The following MREG variants were observed in gnomAD, a reference collection of about 807,000 sequenced individuals.
MREG encodes the protein dilute suppressor protein homolog.
In MREG, 31 loss-of-function variants were observed where a neutral mutation model predicts 28.5. The ratio of observed to expected loss-of-function variants is 1.09; its 90% CI spans 0.82 to 1.47. The LOEUF is 1.47. Ranked by LOEUF, MREG falls within the 40% of genes most tolerant of loss-of-function variation. The probability of loss-of-function intolerance (pLI) is 0.00; values close to 1 mark genes in which losing one functional copy is unlikely to be tolerated. For missense variants in MREG, 256 were observed against 257.4 expected, an observed-to-expected ratio of 0.99 and a Z score of 0.04; for synonymous variants, 106 against 95.2, an observed-to-expected ratio of 1.11 and a Z score of -0.66.
intron 1 of MREG, among the ~76,000 whole-genome samples, chr2:216,006,504 C>G (rs957723201): frequency 1.1e-4 from 17 of 152,226 alleles, no homozygotes; most frequent in African/African-American, 3.6e-4. Context: ...GAATCATTGT[C>G]CGGCCCCGGA....
In MREG at chr2:216,013,221, C is replaced by A. The variant is rs957167841; in HGVS notation, c.95+12G>T. Reference sequence around the variant, plus strand: ...AGGTAAGCCCAGATCCCGGCCCGGGCGGCGCACCCACCTGACGAGGGGCTC... The same window carrying A: ...AGGTAAGCCCAGATCCCGGCCCGGGAGGCGCACCCACCTGACGAGGGGCTC... On this transcript the variant is annotated intron_variant, in intron 1 of 4. Coordinates refer to ENST00000263268, the MANE Select transcript of MREG (RefSeq NM_018000.3). 12 of 1,547,866 alleles carry A rather than the reference C, an allele frequency of 7.8e-6. No homozygotes were observed. The highest frequency in any genetic ancestry group is 1.0e-5 in the Non-Finnish European group (12 of 1,146,198).
intron 2 of MREG, among the ~76,000 whole-genome samples, chr2:215,976,107 C>CAA (rs11323124): frequency 1.1e-4 from 16 of 139,388 alleles, no homozygotes; most frequent in African/African-American, 3.6e-4. Flanking sequence ...GACTCCGTCT[C>CAA]AAAAAAAAAA....
intron 2 of MREG, among the ~76,000 whole-genome samples, chr2:215,957,471 C>T (rs1233227721): frequency 6.6e-6 from 1 of 152,038 alleles, no homozygotes; most frequent in Non-Finnish European, 1.5e-5. Context: ...CACTTCATCT[C>T]TCAAGGAGTT....
At chr2:215,974,850 A>ACC (rs1265665357) in intron 2 of MREG, among the ~76,000 whole-genome samples, 1 of 132,958 alleles carries the variant, frequency 7.5e-6, no homozygotes. Flanking sequence ...ACACACACAC[A>ACC]CACTCTCTCT....
chr2:215,996,326 G>T lies in MREG; in HGVS notation c.235C>A (p.Gln79Lys). 2 of 1,613,844 alleles carry T rather than the reference G, an allele frequency of 1.2e-6. No homozygotes were observed. Among genetic ancestry groups the T allele is most frequent in the Non-Finnish European group, 1.7e-6 (2 of 1,179,838 alleles). Residue 79 changes from glutamine (Q) to lysine (K), a missense_variant, in exon 2 of 5, where the codon CAG becomes AAG. Gln to Lys is a moderately conservative substitution (Grantham distance 53, BLOSUM62 1). Coordinates refer to ENST00000263268, the MANE Select transcript of MREG (RefSeq NM_018000.3). The part of the protein sequence containing the change: ...TLYNLIVIRN[Q>K]QAKDSEEWQK... Reference sequence around the variant, plus strand: ...CTCACCTCTGAGTCTTTGGCCTGCTGATTACGAATGACTATCAAATTGTAC... The same window carrying T: ...CTCACCTCTGAGTCTTTGGCCTGCTTATTACGAATGACTATCAAATTGTAC...
Position 215,980,160 on chromosome 2 carries a change from A to G in MREG, c.255+16146T>C, listed in dbSNP as rs1396365926. Among the ~76,000 whole-genome samples the G allele has an allele frequency of 3.3e-5, 5 of 152,302 alleles. No homozygotes were observed. In the East Asian group the frequency reaches 9.7e-4, roughly 29 times the overall value. On this transcript the variant is annotated intron_variant, in intron 2 of 4. Coordinates refer to ENST00000263268, the MANE Select transcript of MREG (RefSeq NM_018000.3). The stretch of plus-strand genomic sequence containing the variant: ...ACAGCAAGGTTCTGGATATGGAGAA[A>G]GTTGGCCAGCATCTGCCCTTTTCCT...
intron 2 of MREG, 73 bp from the exon 3 acceptor site, chr2:215,947,186 G>A (rs964123160): frequency 1.1e-6 from 1 of 917,380 alleles, no homozygotes; most frequent in African/African-American, 1.7e-5. Flanking sequence ...CAAACTTCAT[G>A]TTGCCTAAAC....
chr2:216,020,812 C>A, intron 1 of MREG, among the ~76,000 whole-genome samples: 1 of 152,210 alleles, frequency 6.6e-6, no homozygotes, highest in Non-Finnish European at 1.5e-5. Context: ...CCTGTTGGGC[C>A]AAAGCCCCGC....
intron 2 of MREG, among the ~76,000 whole-genome samples, chr2:215,950,369 T>C (rs1200574968): frequency 6.6e-6 from 1 of 152,234 alleles, no homozygotes; most frequent in Non-Finnish European, 1.5e-5. Flanking sequence ...CTACAATGAA[T>C]GTTATACGAA....
chr2:215,984,324 C>T (rs1221687903), intron 2 of MREG, among the ~76,000 whole-genome samples: 1 of 151,918 alleles, frequency 6.6e-6, no homozygotes, highest in South Asian at 2.1e-4. Context: ...GGGACACAGC[C>T]AAACCATATC....
intron 2 of MREG, among the ~76,000 whole-genome samples, chr2:215,966,947 C>T (rs919941236): frequency 6.6e-6 from 1 of 152,152 alleles, no homozygotes; most frequent in Non-Finnish European, 1.5e-5. Context: ...TCCATTTTTA[C>T]ACCCCCATAA....
intron 2 of MREG, among the ~76,000 whole-genome samples, chr2:215,971,889 C>A (rs890525792): frequency 2.6e-5 from 4 of 152,180 alleles, no homozygotes; most frequent in Non-Finnish European, 4.4e-5. Flanking sequence ...GATCTGCCAG[C>A]GAGAAGGGAG....
rs1692223121 is a variant in MREG at position 215,943,045 on chromosome 2, A to G, written c.*1818T>C. 6.4e-6 allele frequency: 1 copy of G among 156,662 alleles called. No individual in the cohort carries two copies. Among genetic ancestry groups the G allele is most frequent in the African/African-American group, 2.4e-5 (1 of 41,538 alleles). The allele number at this position is 156,662 out of a possible 1,614,324, so 9.7% of individuals were successfully genotyped here. On this transcript the variant is annotated 3_prime_UTR_variant, in exon 5 of 5. Transcript: ENST00000263268. ...GGAGAACACGGATCTCGCCTATGAAATATTTTAAACATTGTGGACGCTACC... is the reference window on the plus strand; with the variant it reads ...GGAGAACACGGATCTCGCCTATGAAGTATTTTAAACATTGTGGACGCTACC...
intron 1 of MREG, among the ~76,000 whole-genome samples, chr2:216,011,697 T>A (rs1460853243): frequency 6.8e-6 from 1 of 146,404 alleles, no homozygotes; most frequent in African/African-American, 2.5e-5. Context: ...ATTCACTGGA[T>A]AGAAGCTAAG....
At chr2:216,027,693 A>G (rs755141678) in intron 1 of MREG, among the ~76,000 whole-genome samples, 63 of 152,306 alleles carry the variant, frequency 4.1e-4, no homozygotes, top group Non-Finnish European at 7.6e-4. Flanking sequence ...AATCTGTCTC[A>G]AAAAAGAAAA....
chr2:216,008,708 C>A (rs1347194092), intron 1 of MREG, among the ~76,000 whole-genome samples: 1 of 152,178 alleles, frequency 6.6e-6, no homozygotes, highest in Non-Finnish European at 1.5e-5. Flanking sequence ...ACACAAAGGA[C>A]CATTCTAAAA....
rs1001040956 is a variant in MREG at position 215,970,520 on chromosome 2, C to T, written c.256-23407G>A. Among the ~76,000 whole-genome samples, 3 of 152,198 alleles carry T rather than the reference C, an allele frequency of 2.0e-5. No homozygotes were observed. In the East Asian group the frequency reaches 5.8e-4, roughly 29 times the overall value. Reference sequence around the variant, plus strand: ...AAATATGAGTTTTTCTACTTTGAGACTTCTGCATCAAAGGACTGTGACTCA... The same window carrying T: ...AAATATGAGTTTTTCTACTTTGAGATTTCTGCATCAAAGGACTGTGACTCA... On this transcript the variant is annotated intron_variant, in intron 2 of 4. Transcript: ENST00000263268.
At chr2:215,954,631 A>C (rs2105973578) in intron 2 of MREG, among the ~76,000 whole-genome samples, 1 of 152,356 alleles carries the variant, frequency 6.6e-6, no homozygotes, top group Admixed American at 6.5e-5. Context: ...CTCTATAAAA[A>C]AGAAGAAACA....
intron 2 of MREG, among the ~76,000 whole-genome samples, chr2:215,981,023 A>AT (rs1693415265): frequency 6.6e-6 from 1 of 152,176 alleles, no homozygotes; most frequent in Non-Finnish European, 1.5e-5. Context: ...AAAATGTAAA[A>AT]TGGTACAGAT....
Sources: allele counts gnomAD v4.1 joint callset (sites outside exome capture counted in the v4.1 genomes callset), GRCh38; gene constraint gnomAD v4.1.1; transcripts MANE v1.5; gene names NCBI Gene and HGNC (gene_info 2026-07-23, HGNC 2026-07-21).